CPLX2: variants seen among roughly 807,000 people sequenced by gnomAD.
The protein encoded by CPLX2 is complexin-2.
Under a neutral mutation model 16.3 loss-of-function variants are expected in CPLX2, and 5 were observed. The observed-to-expected ratio is 0.31, with a 90% confidence interval of 0.16 to 0.64. The LOEUF is 0.64. CPLX2 is among the 30% of genes least tolerant of loss of function. The probability of loss-of-function intolerance (pLI) is 0.79; values close to 1 mark genes in which losing one functional copy is unlikely to be tolerated. For synonymous variants in CPLX2, 89 were observed against 73.2 expected (o/e 1.22, Z -1.10); for missense variants, 144 against 181.4 (o/e 0.79, Z 1.18).
intron 1 of CPLX2, among the ~76,000 whole-genome samples, chr5:175,799,539 C>CATATATATATATATAT (rs70988299): frequency 6.9e-5 from 5 of 72,248 alleles, no homozygotes; most frequent in Non-Finnish European, 7.7e-5. Context: ...TTGCAAATTT[C>CATATATATATATATAT]ATATATATAT....
rs1333794505 is a variant in CPLX2 at position 175,852,973 on chromosome 5, T to A, written c.-88-25679T>A. On this transcript the variant is annotated intron_variant, in intron 2 of 4. Transcript: ENST00000359546. ...GTCTCAGTACGTCCTCAGCAGTCTCTAATGTTAGCCCCCTCCCTGTCCATG... is the reference window on the plus strand; with the variant it reads ...GTCTCAGTACGTCCTCAGCAGTCTCAAATGTTAGCCCCCTCCCTGTCCATG... Among the ~76,000 whole-genome samples, 4 of 152,196 alleles carry A rather than the reference T, an allele frequency of 2.6e-5. No homozygotes were observed. The East Asian group carries it at 7.7e-4, about 29-fold the overall frequency.
chr5:175,836,391 A>C (rs1267143028), intron 2 of CPLX2, among the ~76,000 whole-genome samples: 1 of 152,192 alleles, frequency 6.6e-6, no homozygotes, highest in East Asian at 1.9e-4. Flanking sequence ...ATCTCAACTG[A>C]CTTAAGTAAA....
chr5:175,878,820 G>A lies in CPLX2; in HGVS notation c.31+50G>A, dbSNP rs752539534. ...GTCCTCAGCCGGTCCCACCCTTGTG[G>A]GAGGTGGCCTCGGCCCACCCGGCCC... On this transcript the variant is annotated intron_variant, in intron 2 of 3. Transcript: ENST00000393745. The A allele has an allele frequency of 3.1e-6, 5 of 1,610,482 alleles. No individual in the cohort carries two copies. The East Asian group carries it at 8.9e-5, about 29-fold the overall frequency.
At chr5:175,831,940 T>A (rs1758742307) in intron 2 of CPLX2, among the ~76,000 whole-genome samples, 1 of 152,218 alleles carries the variant, frequency 6.6e-6, no homozygotes, top group South Asian at 2.1e-4. Flanking sequence ...GCACGAGTTA[T>A]GCCAAGGCAA....
At chr5:175,871,433 C>CAGAGAGAGAGAGAGAGAGAG (rs1224968162), upstream of CPLX2, 17 of 27,528 alleles carry the variant, frequency 6.2e-4, 2 homozygotes, top group South Asian at 2.2e-3. Context: ...GAGAGAGAGA[C>CAGAGAGAGAGAGAGAGAGAG]AGAGAGAGAG....
At chr5:175,804,084 T>G (rs997578650) in intron 1 of CPLX2, among the ~76,000 whole-genome samples, 6 of 152,162 alleles carry the variant, frequency 3.9e-5, no homozygotes, top group African/African-American at 1.4e-4. Flanking sequence ...ATGCAATTTT[T>G]TTTTAAATTA....
chr5:175,853,292 A>G (rs1274159106), intron 2 of CPLX2, among the ~76,000 whole-genome samples: 1 of 152,226 alleles, frequency 6.6e-6, no homozygotes, highest in Admixed American at 6.5e-5. Context: ...CCGGGGACAC[A>G]CTGGCTCCTC....
At chr5:175,856,009 A>T (rs528092170) in intron 2 of CPLX2, among the ~76,000 whole-genome samples, 24 of 152,290 alleles carry the variant, frequency 1.6e-4, no homozygotes, top group Admixed American at 1.3e-3. Flanking sequence ...CTCATCCTAC[A>T]TCCAGCCATG....
intron 2 of CPLX2, among the ~76,000 whole-genome samples, chr5:175,854,740 G>A (rs1255207756): frequency 6.6e-6 from 1 of 152,162 alleles, no homozygotes. Context: ...AGCAGCCTAC[G>A]AGACAGCAGA....
At chr5:175,827,629 C>T (rs1228439560) in intron 2 of CPLX2, among the ~76,000 whole-genome samples, 1 of 152,106 alleles carries the variant, frequency 6.6e-6, no homozygotes, top group Non-Finnish European at 1.5e-5. Context: ...TGGTCAGTGC[C>T]GAGCACCTGT....
At chr5:175,831,483 G>C (rs1176924941) in intron 2 of CPLX2, among the ~76,000 whole-genome samples, 4 of 152,180 alleles carry the variant, frequency 2.6e-5, no homozygotes, top group African/African-American at 9.7e-5. Context: ...AGAACCAACA[G>C]GGCCCATCTT....
At position 175,839,310 on chromosome 5, in the gene CPLX2, G is replaced by A. The variant is rs566569703; in HGVS notation, c.-89+30242G>A. Among the ~76,000 whole-genome samples, 6 of 151,832 alleles carry A rather than the reference G, an allele frequency of 4.0e-5. No individual in the cohort carries two copies. In the South Asian group the frequency reaches 1.0e-3, roughly 26 times the overall value. ...TTTGTTTGTTTGTTTTTTTGAGAAG[G>A]AGTCTCGCTCTGTCACCCAGGCTAG... On this transcript the variant is annotated intron_variant, in intron 2 of 4. Coordinates refer to the CPLX2 transcript ENST00000359546.
intron 2 of CPLX2, among the ~76,000 whole-genome samples, chr5:175,838,995 C>T (rs891770830): frequency 2.6e-5 from 4 of 152,168 alleles, no homozygotes; most frequent in Non-Finnish European, 4.4e-5. Flanking sequence ...TGCTGTCTGA[C>T]CAGAGAACAC....
intron 2 of CPLX2, among the ~76,000 whole-genome samples, chr5:175,834,704 C>T (rs1758794281): frequency 6.6e-6 from 1 of 152,060 alleles, no homozygotes. Context: ...GAAACCTGGT[C>T]TCTACTAAAA....
At position 175,879,056 on chromosome 5, in the gene CPLX2, G is replaced by A; in HGVS notation, c.180G>A (p.Glu60=). The A allele has an allele frequency of 6.3e-7, 1 of 1,583,084 alleles. No individual in the cohort carries two copies. Among genetic ancestry groups the A allele is most frequent in the Non-Finnish European group, 8.6e-7 (1 of 1,165,166 alleles). ...AKHARMEAER[E]KVRQQIRDKY... is the part of the protein sequence containing the mutation. ...ACGCGCGCATGGAGGCGGAGCGGGA[G>A]AAGGTCCGGCAGCAGATCCGAGATA... is the stretch of plus-strand genomic sequence containing the variant. Residue 60 remains glutamate, a synonymous_variant, in exon 3 of 4, where the codon GAG becomes GAA. Transcript: ENST00000393745.
chr5:175,868,383 T>C (rs891631168), upstream of CPLX2, among the ~76,000 whole-genome samples: 2 of 152,256 alleles, frequency 1.3e-5, no homozygotes, highest in African/African-American at 4.8e-5. Flanking sequence ...GCTCTCTTGA[T>C]TGGCTTCCTA....
chr5:175,804,495 C>T lies in CPLX2; in HGVS notation c.-168-4494C>T, dbSNP rs1253899192. 3.9e-5 allele frequency among the ~76,000 whole-genome samples: 6 copies of T among 152,186 alleles called. No individual in the cohort carries two copies. In the East Asian group the frequency reaches 9.6e-4, roughly 24 times the overall value. ...AGCCTAGTAAGGTGCATTGCCTCTCCAGCCTCAATTTCCCCATCTGTGAAT... is the reference window on the plus strand; with the variant it reads ...AGCCTAGTAAGGTGCATTGCCTCTCTAGCCTCAATTTCCCCATCTGTGAAT... On this transcript the variant is annotated intron_variant, in intron 1 of 4. Transcript: ENST00000359546.
intron 1 of CPLX2, among the ~76,000 whole-genome samples, chr5:175,797,422 T>C (rs1758008558): frequency 6.6e-6 from 1 of 151,726 alleles, no homozygotes; most frequent in Admixed American, 6.6e-5. Context: ...CACAGAACGG[T>C]CCCGGCTCCG....
chr5:175,846,371 C>G (rs890257820), intron 2 of CPLX2, among the ~76,000 whole-genome samples: 3 of 152,176 alleles, frequency 2.0e-5, no homozygotes, highest in Non-Finnish European at 4.4e-5. Flanking sequence ...CTCCACCTCC[C>G]TCTGCCTGTA....
Sources: allele counts gnomAD v4.1 joint callset (sites outside exome capture counted in the v4.1 genomes callset), GRCh38; gene constraint gnomAD v4.1.1; transcripts MANE v1.5; gene names NCBI Gene and HGNC (gene_info 2026-07-23, HGNC 2026-07-21).